BEND7: variants seen among roughly 807,000 people sequenced by gnomAD.
BEND7 encodes the protein BEN domain-containing protein 7.
BEND7 carries 28 observed loss-of-function variants against 50.9 expected under a neutral mutation model. That is an observed-to-expected ratio of 0.55 (90% CI 0.41 to 0.75). BEND7 has a LOEUF of 0.75. BEND7 is among the 30% of genes least tolerant of loss of function. The pLI, the probability that BEND7 is intolerant of heterozygous loss-of-function variation, is 0.00. For synonymous variants in BEND7, 170 were observed against 183.9 expected (o/e 0.92, Z 0.61); for missense variants, 477 against 491.3 (o/e 0.97, Z 0.28).
chr10:13,463,864 A>T (rs117394737), intron 6 of BEND7, among the ~76,000 whole-genome samples: 1 of 152,366 alleles, frequency 6.6e-6, no homozygotes, highest in East Asian at 1.9e-4. Context: ...GAGAAGAACC[A>T]TCTAGTGGAA....
At chr10:13,472,068 C>T (rs1180983906) in intron 6 of BEND7, among the ~76,000 whole-genome samples, 1 of 152,118 alleles carries the variant, frequency 6.6e-6, no homozygotes, top group Admixed American at 6.5e-5. Flanking sequence ...GGGTCGATAC[C>T]CGTCATCACT....
chr10:13,473,008 AC>A (rs1469379424), intron 6 of BEND7, among the ~76,000 whole-genome samples: 1 of 152,160 alleles, frequency 6.6e-6, no homozygotes, highest in African/African-American at 2.4e-5. Context: ...CATCGCTGTT[AC>A]ACTCAGGGCC....
intron 5 of BEND7, among the ~76,000 whole-genome samples, chr10:13,489,672 T>TG (rs1173267094): frequency 6.6e-6 from 1 of 152,176 alleles, no homozygotes; most frequent in Admixed American, 6.5e-5. Context: ...ATATACTGTT[T>TG]GTATATTTAC....
At chr10:13,525,016 C>T (rs1344693239) in intron 2 of BEND7, among the ~76,000 whole-genome samples, 1 of 152,188 alleles carries the variant, frequency 6.6e-6, no homozygotes, top group Non-Finnish European at 1.5e-5. Flanking sequence ...AAGGCTGACC[C>T]ACACCGGGTC....
intron 6 of BEND7, among the ~76,000 whole-genome samples, chr10:13,454,159 G>A (rs1253937768): frequency 6.6e-6 from 1 of 152,196 alleles, no homozygotes; most frequent in Admixed American, 6.5e-5. Context: ...GTGGTAAAAA[G>A]AGAAGAAAGG....
chr10:13,511,788 G>A (rs967257626), intron 2 of BEND7, among the ~76,000 whole-genome samples: 2 of 152,152 alleles, frequency 1.3e-5, no homozygotes, highest in Non-Finnish European at 2.9e-5. Flanking sequence ...TAAGAGGTTC[G>A]AGCACTGGCG....
Position 13,480,954 on chromosome 10 carries a change from T to G in BEND7, c.1008A>C (p.Arg336Ser). ...ANSLPNGKRK[R>S]GLNDNRKGLD... is the part of the protein sequence containing the mutation. Reference sequence around the variant, plus strand: ...GTCCTTTCCGGTTGTCATTGAGTCCTCTTTTCCTCTTCCCATTGGGTAAGG... The same window carrying G: ...GTCCTTTCCGGTTGTCATTGAGTCCGCTTTTCCTCTTCCCATTGGGTAAGG... The change falls in exon 6 of 9, where the codon AGA becomes AGC. Residue 336 changes from arginine to serine, a missense_variant. Physicochemically the swap from Arg to Ser is moderately radical, Grantham distance 110 (BLOSUM62 -1). Coordinates refer to ENST00000466271, the MANE Select transcript of BEND7 (RefSeq NM_001369863.1). The G allele has an allele frequency of 2.5e-6, 4 of 1,614,238 alleles. 1 individual carries two copies. Among genetic ancestry groups the G allele is most frequent in the Non-Finnish European group, 3.4e-6 (4 of 1,180,042 alleles).
intron 6 of BEND7, among the ~76,000 whole-genome samples, chr10:13,476,563 A>C (rs946740424): frequency 6.6e-6 from 1 of 152,214 alleles, no homozygotes; most frequent in Non-Finnish European, 1.5e-5. Context: ...GGCTCTAAAA[A>C]TCGCTTTATT....
chr10:13,496,843 G>A lies in BEND7; in HGVS notation c.494C>T (p.Thr165Ile). Residue 165 changes from threonine to isoleucine, a missense_variant, in exon 4 of 9, where the codon ACT becomes ATT. Transcript: ENST00000466271. ...CTGCAACGTTGACTGGCAGTTACAA[G>A]TACAGCAGTTTGATCCAGCTGATGA... ...VNSSAGSNCC[T>I]CNCQSTLQAI... The A allele has an allele frequency of 1.3e-6, 2 of 1,594,784 alleles. No homozygotes were observed. The highest frequency in any genetic ancestry group is 1.1e-5 in the South Asian group (1 of 90,730).
intron 6 of BEND7, chr10:13,460,177 A>G (rs77846698): frequency 0.068 from 10,448 of 153,140 alleles, 1,047 homozygotes; most frequent in African/African-American, 0.22. Flanking sequence ...GAGCCAGCAA[A>G]CAAAAGGAGG....
At chr10:13,528,221 T>C (rs1179239265) in intron 1 of BEND7, among the ~76,000 whole-genome samples, 1 of 151,254 alleles carries the variant, frequency 6.6e-6, no homozygotes, top group Non-Finnish European at 1.5e-5. Flanking sequence ...GGCCCCCCGG[T>C]GTCATTGTTT....
At chr10:13,486,929 G>A (rs1363642925) in intron 5 of BEND7, among the ~76,000 whole-genome samples, 1 of 152,116 alleles carries the variant, frequency 6.6e-6, no homozygotes, top group Non-Finnish European at 1.5e-5. Context: ...TCTCTCCTAA[G>A]GCCACTGAAA....
At chr10:13,518,549 G>A (rs1384427341) in intron 2 of BEND7, among the ~76,000 whole-genome samples, 2 of 152,214 alleles carry the variant, frequency 1.3e-5, no homozygotes, top group Non-Finnish European at 2.9e-5. Flanking sequence ...TTCTAAAGCT[G>A]TACCTGTGTT....
At chr10:13,496,517 A>G (rs118126052) in intron 4 of BEND7, among the ~76,000 whole-genome samples, 161 of 152,370 alleles carry the variant, frequency 1.1e-3, no homozygotes, top group Middle Eastern at 6.8e-3. Context: ...CTAGGAGATC[A>G]TGGAATGAAG....
In BEND7 at chr10:13,499,814, A is replaced by G; in HGVS notation, c.412T>C (p.Phe138Leu). 6.2e-7 allele frequency: 1 copy of G among 1,610,278 alleles called. No individual in the cohort carries two copies. The highest frequency in any genetic ancestry group is 1.1e-5 in the South Asian group (1 of 90,952). Reference sequence around the variant, plus strand: ...GTGGTAGGGTGGGGCTGGCTTTGGAAGGTTCTAGAACGGGTGCCATACTGC... The same window carrying G: ...GTGGTAGGGTGGGGCTGGCTTTGGAGGGTTCTAGAACGGGTGCCATACTGC... The part of the protein sequence containing the change: ...SGQYGTRSRT[F>L]QSQPHPTTSS... The change falls in exon 3 of 9, where the codon TTC becomes CTC. Residue 138 changes from phenylalanine (F) to leucine (L), a missense_variant. Physicochemically the swap from Phe to Leu is conservative, Grantham distance 22. Coordinates refer to ENST00000466271, the MANE Select transcript of BEND7 (RefSeq NM_001369863.1).
At chr10:13,483,546 A>G (rs1373233098) in intron 5 of BEND7, among the ~76,000 whole-genome samples, 1 of 152,238 alleles carries the variant, frequency 6.6e-6, no homozygotes, top group Non-Finnish European at 1.5e-5. Context: ...CCCTGTATAA[A>G]GAAAGTGGGT....
At chr10:13,525,325 A>G (rs917064235) in intron 2 of BEND7, among the ~76,000 whole-genome samples, 2 of 152,214 alleles carry the variant, frequency 1.3e-5, no homozygotes, top group Non-Finnish European at 2.9e-5. Context: ...TTTCCTGTAC[A>G]GTATTTGCAC....
At chr10:13,454,851 A>C (rs1320857535) in intron 6 of BEND7, among the ~76,000 whole-genome samples, 1 of 152,190 alleles carries the variant, frequency 6.6e-6, no homozygotes, top group Non-Finnish European at 1.5e-5. Flanking sequence ...CTGGTTTAAG[A>C]GGCACAGACA....
At position 13,500,052 on chromosome 10, in the gene BEND7, T is replaced by C. The variant is rs774483353; in HGVS notation, c.174A>G (p.Gln58=). Residue 58 remains glutamine, a synonymous_variant, in exon 3 of 9, where the codon CAA becomes CAG. Transcript: ENST00000466271. ...LGDESMEIKK[Q]ITGMRRLLND... ...TCAGCAATCTTCTCATCCCTGTAAT[T>C]TGCTTTTTTATTTCCATGCTTTCAT... 6.3e-6 allele frequency: 10 copies of C among 1,598,094 alleles called. No individual in the cohort carries two copies. Among genetic ancestry groups the C allele is most frequent in the Middle Eastern group, 3.3e-4 (2 of 5,992 alleles).
Sources: gnomAD v4.1 joint callset for allele counts (sites outside exome capture counted in the v4.1 genomes callset) on GRCh38, gnomAD v4.1.1 for gene constraint, MANE v1.5 for transcripts, NCBI Gene and HGNC (gene_info 2026-07-23, HGNC 2026-07-21) for gene names.